AOPEP: variants seen among roughly 807,000 people sequenced by gnomAD.
AOPEP encodes aminopeptidase O.
AOPEP carries 77 observed loss-of-function variants against 98.1 expected under a neutral mutation model. The ratio of observed to expected loss-of-function variants is 0.78; its 90% CI spans 0.65 to 0.95. The LOEUF (loss-of-function observed/expected upper bound fraction) is 0.95, where lower values mean the gene tolerates loss of function less well. AOPEP is among the 40% of genes least tolerant of loss of function. The probability of loss-of-function intolerance (pLI) is 0.00; values close to 1 mark genes in which losing one functional copy is unlikely to be tolerated. For synonymous variants in AOPEP, 346 were observed against 365.3 expected, an observed-to-expected ratio of 0.95 and a Z score of 0.60; for missense variants, 1,024 against 1,024.7, an observed-to-expected ratio of 1.00 and a Z score of 0.01.
intron 5 of AOPEP, among the ~76,000 whole-genome samples, chr9:94,820,024 C>T (rs1852692588): frequency 6.7e-6 from 1 of 148,600 alleles, no homozygotes; most frequent in South Asian, 2.1e-4. Context: ...CGGCTCACTG[C>T]AACCTCTGTC....
intron 13 of AOPEP, among the ~76,000 whole-genome samples, chr9:95,013,928 G>A (rs1027813813): frequency 3.9e-5 from 6 of 152,068 alleles, no homozygotes; most frequent in Admixed American, 3.9e-4. Context: ...AGTTTAATAT[G>A]TCTCATTGTG....
chr9:94,776,625 G>A (rs767883875), intron 3 of AOPEP, among the ~76,000 whole-genome samples: 20 of 152,166 alleles, frequency 1.3e-4, no homozygotes, highest in Admixed American at 7.9e-4. Context: ...TTATGGCTAT[G>A]AGTATCCTAT....
intron 5 of AOPEP, among the ~76,000 whole-genome samples, chr9:94,845,848 T>A (rs2042795958): frequency 6.6e-6 from 1 of 152,132 alleles, no homozygotes; most frequent in African/African-American, 2.4e-5. Flanking sequence ...ATTTCAGCAC[T>A]TTGGGAGGCC....
At chr9:95,094,665 C>CTCTTTTT in the AOPEP span, among the ~76,000 whole-genome samples, 2 of 152,146 alleles carry the variant, frequency 1.3e-5, no homozygotes, top group African/African-American at 2.4e-5. Context: ...GGATCTCTGC[C>CTCTTTTT]TCTTTTTTCT....
chr9:94,882,483 A>C (rs1051400546), intron 5 of AOPEP, among the ~76,000 whole-genome samples: 1 of 152,226 alleles, frequency 6.6e-6, no homozygotes, highest in African/African-American at 2.4e-5. Context: ...CCAAAATAAA[A>C]CTTAACTATT....
At chr9:94,907,184 A>G (rs1472716622) in intron 5 of AOPEP, among the ~76,000 whole-genome samples, 1 of 152,220 alleles carries the variant, frequency 6.6e-6, no homozygotes, top group African/African-American at 2.4e-5. Context: ...TCCTAAGGAA[A>G]GTACAGTCTT....
rs2055035952 is a variant in AOPEP, at chr9:94,930,010, C to T, written c.1661+1479C>T. On this transcript the variant is annotated intron_variant, in intron 7 of 16. Coordinates refer to ENST00000375315, the MANE Select transcript of AOPEP (RefSeq NM_001193329.3). This position sits in a 1 kb window ranked among gnomAD's most constrained non-coding sequence, Gnocchi z 4.5. ...AGGAGCCAGGTCACACGAGTCTTTC[C>T]CCAAGTTCTTCAGAAGCTGCTCCAG... Among the ~76,000 whole-genome samples, 1 of 152,170 alleles carries T rather than the reference C, an allele frequency of 6.6e-6. No individual in the cohort carries two copies. The highest frequency in any genetic ancestry group is 1.5e-5 in the Non-Finnish European group (1 of 68,034).
At chr9:94,845,909 A>G (rs577295258) in intron 5 of AOPEP, among the ~76,000 whole-genome samples, 1 of 152,202 alleles carries the variant, frequency 6.6e-6, no homozygotes, top group Non-Finnish European at 1.5e-5. Context: ...AGCCTGGCCA[A>G]CATTGCAAAA....
chr9:95,003,614 G>C (rs2061708127), intron 11 of AOPEP, among the ~76,000 whole-genome samples: 1 of 152,116 alleles, frequency 6.6e-6, no homozygotes, highest in Non-Finnish European at 1.5e-5. Flanking sequence ...TTATTTACCT[G>C]CCTATGTGCA....
At chr9:95,109,599 G>C in the AOPEP span, 1 of 152,212 alleles carries the variant, frequency 6.6e-6, no homozygotes, top group Non-Finnish European at 1.5e-5. Context: ...GCTTGCCCAT[G>C]AGTGGGACAG....
At chr9:94,841,316 C>T (rs1258484208) in intron 5 of AOPEP, among the ~76,000 whole-genome samples, 5 of 152,028 alleles carry the variant, frequency 3.3e-5, no homozygotes, top group East Asian at 1.9e-4. Flanking sequence ...GGACTACAGG[C>T]GTGTGCCACG....
chr9:94,772,378 A>G (rs1188046515), intron 2 of AOPEP, among the ~76,000 whole-genome samples: 1 of 152,306 alleles, frequency 6.6e-6, no homozygotes, highest in Non-Finnish European at 1.5e-5. Flanking sequence ...GGTTTTGCAC[A>G]TGGTGACTTG....
At chr9:94,892,290 T>C (rs2048964876) in intron 5 of AOPEP, among the ~76,000 whole-genome samples, 1 of 152,240 alleles carries the variant, frequency 6.6e-6, no homozygotes, top group South Asian at 2.1e-4. Flanking sequence ...CTTTATGATA[T>C]GAATTTAGAT....
At chr9:94,758,171 G>A (rs1469450390) in intron 1 of AOPEP, among the ~76,000 whole-genome samples, 1 of 152,214 alleles carries the variant, frequency 6.6e-6, no homozygotes, top group Non-Finnish European at 1.5e-5. Flanking sequence ...TTTGGCAGGT[G>A]GAGGTGGAAG....
At chr9:95,116,451 G>A in the AOPEP span, among the ~76,000 whole-genome samples, 1 of 152,210 alleles carries the variant, frequency 6.6e-6, no homozygotes, top group Admixed American at 6.5e-5. Context: ...AAAATGCTCT[G>A]AAACTTTGAA....
At chr9:95,146,487 CAA>C in the AOPEP span, among the ~76,000 whole-genome samples, 4 of 45,572 alleles carry the variant, frequency 8.8e-5, no homozygotes, top group African/African-American at 1.0e-4. Context: ...GACCCCATCT[CAA>C]AAAAAAAAAA....
intron 13 of AOPEP, among the ~76,000 whole-genome samples, chr9:95,023,867 A>T (rs995956062): frequency 6.6e-6 from 1 of 152,242 alleles, no homozygotes; most frequent in Non-Finnish European, 1.5e-5. Flanking sequence ...GTTATGCATG[A>T]TTTAAAAAGG....
At chr9:94,765,478 T>G (rs902287148) in intron 2 of AOPEP, among the ~76,000 whole-genome samples, 2 of 147,380 alleles carry the variant, frequency 1.4e-5, no homozygotes, top group African/African-American at 2.5e-5. Context: ...ATAATAATAA[T>G]AAGTCACAGC....
intron 13 of AOPEP, among the ~76,000 whole-genome samples, chr9:95,057,230 C>G (rs1414575061): frequency 2.0e-5 from 3 of 152,242 alleles, no homozygotes; most frequent in Non-Finnish European, 4.4e-5. Context: ...TCTCTCCCGC[C>G]AGTGCTGCTG....
Sources: allele counts gnomAD v4.1 joint callset (sites outside exome capture counted in the v4.1 genomes callset), GRCh38; gene constraint gnomAD v4.1.1; non-coding constraint Gnocchi (gnomAD v3.1); transcripts MANE v1.5; gene names NCBI Gene and HGNC (gene_info 2026-07-23, HGNC 2026-07-21).